MAGI2: variants seen among roughly 807,000 people sequenced by gnomAD.
MAGI2 encodes the protein membrane associated guanylate kinase, WW and PDZ domain containing 2.
Under a neutral mutation model 133.3 loss-of-function variants are expected in MAGI2, and 35 were observed. The ratio of observed to expected loss-of-function variants is 0.26; its 90% CI spans 0.20 to 0.35. The LOEUF is 0.35. MAGI2 is among the 10% of genes least tolerant of loss of function. The pLI, the probability that MAGI2 is intolerant of heterozygous loss-of-function variation, is 1.00. For missense variants in MAGI2, 1,636 were observed against 1,863.4 expected (o/e 0.88, Z 2.25); for synonymous variants, 729 against 710.6 (o/e 1.03, Z -0.41).
In MAGI2 at chr7:78,973,126, C is replaced by T. The variant is rs942126359; in HGVS notation, c.418+33964G>A. On this transcript the variant is annotated intron_variant, in intron 2 of 21. Coordinates refer to ENST00000354212, the MANE Select transcript of MAGI2 (RefSeq NM_012301.4). ...GCTGTTCTGATTGTCATAAGGCTTC[C>T]CCAGGATACAATTATGCTCTGGGGT... is the stretch of plus-strand genomic sequence containing the variant. Among the ~76,000 whole-genome samples, 3 of 151,836 alleles carry T rather than the reference C, an allele frequency of 2.0e-5. No homozygotes were observed. The South Asian group carries it at 6.2e-4, about 31-fold the overall frequency.
chr7:79,025,457 A>C (rs535726085), intron 1 of MAGI2, among the ~76,000 whole-genome samples: 1 of 152,252 alleles, frequency 6.6e-6, no homozygotes, highest in Non-Finnish European at 1.5e-5. Flanking sequence ...GTGACATGCA[A>C]TTTACCTATA....
intron 1 of MAGI2, among the ~76,000 whole-genome samples, chr7:79,114,571 C>T (rs1273387347): frequency 6.6e-6 from 1 of 152,186 alleles, no homozygotes; most frequent in African/African-American, 2.4e-5. Flanking sequence ...ATAGCTTCTA[C>T]CGTGATCAAG....
chr7:79,012,898 A>C (rs776568786), intron 1 of MAGI2, among the ~76,000 whole-genome samples: 13 of 152,192 alleles, frequency 8.5e-5, no homozygotes, highest in Non-Finnish European at 1.9e-4. Flanking sequence ...TCTTCTCATT[A>C]TATCCACACA....
chr7:78,739,484 GA>G (rs1323654359), intron 2 of MAGI2, among the ~76,000 whole-genome samples: 1 of 151,994 alleles, frequency 6.6e-6, no homozygotes, highest in Non-Finnish European at 1.5e-5. Flanking sequence ...GAGTTTTGGA[GA>G]AGATTAGCAC....
At chr7:78,373,699 G>T (rs1381705817) in intron 6 of MAGI2, among the ~76,000 whole-genome samples, 1 of 152,076 alleles carries the variant, frequency 6.6e-6, no homozygotes, top group African/African-American at 2.4e-5. Flanking sequence ...CCATCACCCA[G>T]GTACTGAGCA....
intron 4 of MAGI2, among the ~76,000 whole-genome samples, chr7:78,520,389 C>A (rs1044656394): frequency 6.6e-6 from 1 of 152,014 alleles, no homozygotes; most frequent in East Asian, 1.9e-4. Flanking sequence ...ATAAAAATAA[C>A]AGCATAAAAA....
chr7:78,322,004 G>GA (rs746708432), intron 9 of MAGI2, among the ~76,000 whole-genome samples: 4 of 152,066 alleles, frequency 2.6e-5, no homozygotes, highest in African/African-American at 9.7e-5. Context: ...CAAGAAACAT[G>GA]AAAAAAAGCT....
rs1823551778 is a variant in MAGI2 at position 79,154,324 on chromosome 7, T to C, written c.302-147118A>G. On this transcript the variant is annotated intron_variant, in intron 1 of 21. Transcript: ENST00000354212. ...CAAAGAAAACCTAAAATACCAACTTTGCTGGATGACATTTACATGTCAAGC... is the reference window on the plus strand; with the variant it reads ...CAAAGAAAACCTAAAATACCAACTTCGCTGGATGACATTTACATGTCAAGC... Among the ~76,000 whole-genome samples, 3 of 152,342 alleles carry C rather than the reference T, an allele frequency of 2.0e-5. No homozygotes were observed. The South Asian group carries it at 6.2e-4, about 32-fold the overall frequency.
At chr7:78,922,122 A>ATTCTTTCTTTCTTTCTTTCT (rs71095367) in intron 2 of MAGI2, among the ~76,000 whole-genome samples, 44 of 146,246 alleles carry the variant, frequency 3.0e-4, no homozygotes, top group African/African-American at 1.1e-3. Flanking sequence ...AGTACACTTG[A>ATTCTTTCTTTCTTTCTTTCT]TTCTTTCTTT....
At position 78,521,621 on chromosome 7, in the gene MAGI2, G is replaced by T. The variant is rs1474048312; in HGVS notation, c.563C>A (p.Pro188Gln). 6.2e-7 allele frequency: 1 copy of T among 1,613,874 alleles called. No homozygotes were observed. The highest frequency in any genetic ancestry group is 2.2e-5 in the East Asian group (1 of 44,874). Residue 188 changes from proline to glutamine, a missense_variant, in exon 4 of 22, where the codon CCG becomes CAG. Transcript: ENST00000354212. ...CAATAATGGTGCTGGTTCTGCTGGC[G>T]GCTTTGGGGTACCGTAGTAATTGTC... ...YEDNYYGTPK[P>Q]PAEPAPLLLN... is the part of the protein sequence containing the mutation.
intron 1 of MAGI2, among the ~76,000 whole-genome samples, chr7:79,369,843 GA>G (rs139615304): frequency 0.15 from 22,667 of 151,970 alleles, 1,877 homozygotes; most frequent in East Asian, 0.29. Flanking sequence ...AAATAAAGAT[GA>G]AAAAACATCA....
At chr7:79,113,456 C>T (rs117608647) in intron 1 of MAGI2, among the ~76,000 whole-genome samples, 2 of 152,082 alleles carry the variant, frequency 1.3e-5, no homozygotes. Flanking sequence ...CATGGAGAGA[C>T]CAGAAGGCAA....
At chr7:79,337,255 T>C (rs1043499822) in intron 1 of MAGI2, among the ~76,000 whole-genome samples, 2 of 152,182 alleles carry the variant, frequency 1.3e-5, no homozygotes, top group African/African-American at 4.8e-5. Flanking sequence ...AGCGATCTTT[T>C]TACTTTAAAA....
At chr7:78,909,224 CACTGATCATTAGA>C (rs1226807688) in intron 2 of MAGI2, among the ~76,000 whole-genome samples, 2 of 151,652 alleles carry the variant, frequency 1.3e-5, no homozygotes, top group Non-Finnish European at 2.9e-5. Context: ...AGCTCAACAT[CACTGATCATTAGA>C]GAAATGCAAA....
chr7:78,566,892 A>G (rs1432754207), intron 3 of MAGI2, among the ~76,000 whole-genome samples: 3 of 152,180 alleles, frequency 2.0e-5, no homozygotes, highest in Non-Finnish European at 1.5e-5. Context: ...TAATGCCTAA[A>G]TCACAGGCTG....
intron 2 of MAGI2, among the ~76,000 whole-genome samples, chr7:78,774,441 C>A (rs143278942): frequency 1.3e-5 from 2 of 152,160 alleles, no homozygotes; most frequent in Non-Finnish European, 2.9e-5. Flanking sequence ...CCACTAAAAA[C>A]CAAGAATCCT....
chr7:78,327,534 C>T (rs1205882640), intron 9 of MAGI2, among the ~76,000 whole-genome samples: 1 of 152,060 alleles, frequency 6.6e-6, no homozygotes, highest in African/African-American at 2.4e-5. Flanking sequence ...AAAAATCTAC[C>T]CTGAAGATTC....
chr7:78,247,173 G>T (rs1791885533), intron 10 of MAGI2, among the ~76,000 whole-genome samples: 1 of 152,056 alleles, frequency 6.6e-6, no homozygotes, highest in Admixed American at 6.5e-5. Context: ...GCCCATTGTG[G>T]AGAAAACATG....
chr7:79,301,756 C>G (rs530163933), intron 1 of MAGI2, among the ~76,000 whole-genome samples: 60 of 152,276 alleles, frequency 3.9e-4, no homozygotes, highest in Admixed American at 7.2e-4. Context: ...GGATATTTGT[C>G]CCTGTTCAAA....
Sources: allele counts gnomAD v4.1 joint callset (sites outside exome capture counted in the v4.1 genomes callset), GRCh38; gene constraint gnomAD v4.1.1; transcripts MANE v1.5; gene names NCBI Gene and HGNC (gene_info 2026-07-23, HGNC 2026-07-21).